Variants in PTPRQ observed in about 807,000 individuals in gnomAD.
PTPRQ encodes protein tyrosine phosphatase receptor type Q, also known as phosphatidylinositol phosphatase PTPRQ.
Under a neutral mutation model 246.0 loss-of-function variants are expected in PTPRQ, and 199 were observed. That is an observed-to-expected ratio of 0.81 (90% CI 0.72 to 0.91). PTPRQ has a LOEUF of 0.91. Ranked by LOEUF, PTPRQ falls within the 40% of genes least tolerant of loss-of-function variation. The pLI is 0.00. For missense variants in PTPRQ, 2,624 were observed against 2,528.4 expected, an observed-to-expected ratio of 1.04 and a Z score of -0.81; for synonymous variants, 869 against 853.2, an observed-to-expected ratio of 1.02 and a Z score of -0.32.
intron 39 of PTPRQ, among the ~76,000 whole-genome samples, chr12:80,668,741 A>G (rs1187678521): frequency 6.6e-6 from 1 of 151,914 alleles, no homozygotes; most frequent in Non-Finnish European, 1.5e-5. Flanking sequence ...AAGTTCTGTT[A>G]TTATTGTAAA....
intron 8 of PTPRQ, among the ~76,000 whole-genome samples, chr12:80,480,111 A>G (rs1451414514): frequency 2.0e-5 from 3 of 152,168 alleles, no homozygotes; most frequent in Non-Finnish European, 4.4e-5. Flanking sequence ...AAAATTGACT[A>G]CATACTTGGA....
chr12:80,562,454 AT>A (rs1427288505), intron 25 of PTPRQ, among the ~76,000 whole-genome samples: 1 of 152,190 alleles, frequency 6.6e-6, no homozygotes, highest in African/African-American at 2.4e-5. Context: ...TGCTCTCAGG[AT>A]GCAAAGTTTG....
rs1565836938 is a variant in PTPRQ, at chr12:80,642,932, A to ACAAAC, written c.5916-5965_5916-5964insCAAAC. 6.8e-4 allele frequency among the ~76,000 whole-genome samples: 90 copies of ACAAAC among 131,602 alleles called. 2 individuals carry two copies. The highest frequency in any genetic ancestry group is 2.8e-3 in the African/African-American group (80 of 28,090). The allele number at this position is 131,602 out of a possible 152,430, so 86.3% of individuals were successfully genotyped here. ...GAGACTCCGTCTTAAAAAAAAAAAA[A>ACAAAC]AAAAAAAAAAAAAACAATTGAGTAT... On this transcript the variant is annotated intron_variant, in intron 35 of 44. Transcript: ENST00000644991.
At chr12:80,604,903 A>G (rs1216193994) in intron 26 of PTPRQ, among the ~76,000 whole-genome samples, 156 bp from the exon 27 acceptor site, 2 of 151,492 alleles carry the variant, frequency 1.3e-5, no homozygotes, top group Non-Finnish European at 3.0e-5. Flanking sequence ...GGATCTTTTT[A>G]TTTGGTAATG....
chr12:80,587,957 C>T (rs373318764), intron 25 of PTPRQ, among the ~76,000 whole-genome samples, 172 bp from the exon 26 acceptor site: 19 of 152,064 alleles, frequency 1.2e-4, no homozygotes, highest in Admixed American at 6.5e-4. Flanking sequence ...ATGATGGTCC[C>T]GGAAGCATCA....
Position 80,673,290 on chromosome 12 carries a change from A to C in PTPRQ, c.6724A>C (p.Met2242Leu), listed in dbSNP as rs745487589. The C allele has an allele frequency of 2.6e-6, 4 of 1,549,922 alleles. No homozygotes were observed. Among genetic ancestry groups the C allele is most frequent in the Admixed American group, 2.0e-5 (1 of 50,872 alleles). Residue 2242 changes from methionine (M) to leucine (L), a missense_variant, in exon 43 of 45, where the codon ATG (methionine) becomes CTG (leucine). Transcript: ENST00000644991. ...TGAACTGAGAAGTGAAAGAATGTGC[A>C]TGGTGCAGAATCTGGTAAGATCTCT... ...VAELRSERMC[M>L]VQNLAQYIFL...
Position 80,459,439 on chromosome 12 carries a change from A to G in PTPRQ, c.616A>G (p.Ile206Val), listed in dbSNP as rs1158773709. Residue 206 changes from isoleucine to valine, a missense_variant, in exon 5 of 45, where the codon ATC (isoleucine) becomes GTC (valine). Transcript: ENST00000644991. ...TGGGATAGTAGTGAAAGATGTCTCA[A>G]TCAGAGTAGAGGACATTTTGACTGG... ...RSGIVVKDVSIRVEDILTGKL... is the reference protein window; with the variant it reads ...RSGIVVKDVSVRVEDILTGKL... 2.5e-6 allele frequency: 1 copy of G among 398,456 alleles called. No homozygotes were observed. The highest frequency in any genetic ancestry group is 4.4e-6 in the Non-Finnish European group (1 of 225,960). 24.7% of individuals were successfully genotyped at this position (398,456 alleles called of 1,614,324 possible).
intron 25 of PTPRQ, among the ~76,000 whole-genome samples, chr12:80,564,722 G>C (rs1896928252): frequency 6.6e-6 from 1 of 152,158 alleles, no homozygotes; most frequent in Admixed American, 6.5e-5. Flanking sequence ...TGAAGTGTTT[G>C]TTGAGTTTTC....
At chr12:80,514,786 T>C (rs1895241770) in intron 17 of PTPRQ, among the ~76,000 whole-genome samples, 1 of 146,746 alleles carries the variant, frequency 6.8e-6, no homozygotes, top group Non-Finnish European at 1.5e-5. Flanking sequence ...ATAATTGTTA[T>C]ATATATTTTT....
intron 25 of PTPRQ, among the ~76,000 whole-genome samples, chr12:80,575,432 A>AC (rs1897255451): frequency 6.6e-6 from 1 of 152,080 alleles, no homozygotes; most frequent in Admixed American, 6.6e-5. Context: ...CAAAAAAAAA[A>AC]ATTAGCCTAG....
chr12:80,662,334 C>T (rs868189394), intron 39 of PTPRQ, among the ~76,000 whole-genome samples: 1 of 151,822 alleles, frequency 6.6e-6, no homozygotes. Context: ...ATTTAAATTA[C>T]TTTTTTAGCA....
At position 80,588,281 on chromosome 12, in the gene PTPRQ, G is replaced by A. The variant is rs1455656996; in HGVS notation, c.4438G>A (p.Glu1480Lys). 9.0e-6 allele frequency: 14 copies of A among 1,551,402 alleles called. No homozygotes were observed. The highest frequency in any genetic ancestry group is 3.6e-5 in the South Asian group (3 of 84,052). The change falls in exon 26 of 45, where the codon GAA becomes AAA. Residue 1480 changes from glutamate to lysine, a missense_variant. Coordinates refer to ENST00000644991, the MANE Select transcript of PTPRQ (RefSeq NM_001145026.2). Reference sequence around the variant, plus strand: ...TCAAAAATGCAAAGAATGGGAATCCGAAGAATGTGTTGAATATCAAAAAAT... The same window carrying A: ...TCAAAAATGCAAAGAATGGGAATCCAAAGAATGTGTTGAATATCAAAAAAT... ...RAQKCKEWES[E>K]ECVEYQKIQY...
At chr12:80,615,371 A>G (rs1414314890) in intron 29 of PTPRQ, among the ~76,000 whole-genome samples, 1 of 151,056 alleles carries the variant, frequency 6.6e-6, no homozygotes, top group Non-Finnish European at 1.5e-5. Context: ...ATATAAAACA[A>G]ATTAAGTAAT....
At position 80,476,749 on chromosome 12, in the gene PTPRQ, G is replaced by A. The variant is rs147974864; in HGVS notation, c.1186+4498G>A. 3.9e-4 allele frequency among the ~76,000 whole-genome samples: 60 copies of A among 152,124 alleles called. No homozygotes were observed. The South Asian group carries it at 6.2e-3, about 16-fold the overall frequency. ...AACTAGAATTTGCTAAACCTGTACC[G>A]CTGCCAGAGAGTTTAGGGAAATTAA... On this transcript the variant is annotated intron_variant, in intron 8 of 44. Transcript: ENST00000644991.
In PTPRQ at chr12:80,588,210, T is replaced by C. The variant is rs1322675465; in HGVS notation, c.4367T>C (p.Ile1456Thr). 1.3e-5 allele frequency: 20 copies of C among 1,551,508 alleles called. No individual in the cohort carries two copies. In the Middle Eastern group the frequency reaches 5.0e-4, roughly 39 times the overall value. The change falls in exon 26 of 45, where the codon ATC (isoleucine) becomes ACC (threonine). Residue 1456 changes from isoleucine (I) to threonine (T), a missense_variant. Transcript: ENST00000644991. ...TTGACATGGATAAGACCTGACACTA[T>C]CCTTGGCTACTTTCAAAATTACAAA... ...ATLTWIRPDT[I>T]LGYFQNYKIT...
At chr12:80,645,064 A>C (rs777890600) in intron 35 of PTPRQ, among the ~76,000 whole-genome samples, 2 of 152,074 alleles carry the variant, frequency 1.3e-5, no homozygotes, top group Non-Finnish European at 2.9e-5. Context: ...TCTTATATAA[A>C]CATAAATGTG....
At chr12:80,503,654 A>G (rs1894869742) in intron 14 of PTPRQ, among the ~76,000 whole-genome samples, 1 of 151,962 alleles carries the variant, frequency 6.6e-6, no homozygotes, top group African/African-American at 2.4e-5. Flanking sequence ...TATTTAGTTT[A>G]TATTGTTTAA....
intron 33 of PTPRQ, among the ~76,000 whole-genome samples, chr12:80,623,723 T>C (rs1390415362): frequency 1.3e-5 from 2 of 152,170 alleles, no homozygotes; most frequent in Non-Finnish European, 2.9e-5. Context: ...TATGATGTTG[T>C]CTTTCATCAA....
At chr12:80,522,125 T>A (rs868749548) in intron 17 of PTPRQ, among the ~76,000 whole-genome samples, 12 of 152,184 alleles carry the variant, frequency 7.9e-5, no homozygotes, top group South Asian at 2.1e-4. Flanking sequence ...TTTGAAGCAA[T>A]TGTGAATGGG....
Sources: allele counts gnomAD v4.1 joint callset (sites outside exome capture counted in the v4.1 genomes callset), GRCh38; gene constraint gnomAD v4.1.1; transcripts MANE v1.5; gene names NCBI Gene and HGNC (gene_info 2026-07-23, HGNC 2026-07-21).